SLC5A12: variants seen among roughly 807,000 people sequenced by gnomAD.
SLC5A12 encodes the protein sodium-coupled monocarboxylate transporter 2.
Under a neutral mutation model 72.7 loss-of-function variants are expected in SLC5A12, and 46 were observed. That is an observed-to-expected ratio of 0.63 (90% CI 0.50 to 0.81). The LOEUF is 0.81. Among genes scored for constraint, SLC5A12 ranks in the 30% least tolerant of loss-of-function variants. The pLI is 0.00. For missense variants in SLC5A12, 683 were observed against 740.7 expected (o/e 0.92, Z 0.90); for synonymous variants, 275 against 264.4 (o/e 1.04, Z -0.39).
chr11:26,686,414 C>T (rs1854534870), intron 10 of SLC5A12, 63 bp downstream of exon 10: 1 of 1,450,246 alleles, frequency 6.9e-7, no homozygotes, highest in Admixed American at 1.7e-5. Context: ...AGAAGCAAGA[C>T]ATTAAAAGAG....
chr11:26,703,903 A>C lies in SLC5A12; in HGVS notation c.570T>G (p.Val190=). ...CCGTTAAGAAGCCCACAATCATGAC[A>C]ACCATCTGAAATGCATCTGTCCACA... The part of the protein sequence containing the change: ...AVVWTDAFQM[V]VMIVGFLTVL... Residue 190 remains valine, a synonymous_variant, in exon 5 of 15, where the codon GTT becomes GTG. Transcript: ENST00000396005. 6.2e-7 allele frequency: 1 copy of C among 1,613,908 alleles called. No homozygotes were observed. Among genetic ancestry groups the C allele is most frequent in the Non-Finnish European group, 8.5e-7 (1 of 1,179,848 alleles).
rs1350926304 is a variant in SLC5A12 at position 26,668,296 on chromosome 11, G to A, written c.*2806C>T. 1 of 152,006 alleles carries A rather than the reference G, an allele frequency of 6.6e-6. No individual in the cohort carries two copies. Among genetic ancestry groups the A allele is most frequent in the Non-Finnish European group, 1.5e-5 (1 of 67,968 alleles). The allele number at this position is 152,006 out of a possible 1,614,324, so 9.4% of individuals were successfully genotyped here. On this transcript the variant is annotated 3_prime_UTR_variant, in exon 15 of 15. Coordinates refer to ENST00000396005, the MANE Select transcript of SLC5A12 (RefSeq NM_178498.4). Reference sequence around the variant, plus strand: ...TTCTGTTCCATTTTTACCAATATCTGTGGTTGTGCTTTAAAGGTACAGTGG... The same window carrying A: ...TTCTGTTCCATTTTTACCAATATCTATGGTTGTGCTTTAAAGGTACAGTGG...
intron 13 of SLC5A12, among the ~76,000 whole-genome samples, chr11:26,674,531 C>T (rs1468655918): frequency 6.6e-6 from 1 of 152,060 alleles, no homozygotes; most frequent in Non-Finnish European, 1.5e-5. Context: ...TCTGGAGTAG[C>T]TGGGACTACA....
intron 1 of SLC5A12, among the ~76,000 whole-genome samples, chr11:26,713,154 T>G (rs1480610819): frequency 6.6e-6 from 1 of 152,110 alleles, no homozygotes; most frequent in African/African-American, 2.4e-5. Flanking sequence ...CCCATATCAA[T>G]TCTTTGAAAG....
chr11:26,701,451 G>A (rs1405484282), intron 6 of SLC5A12, among the ~76,000 whole-genome samples: 2 of 152,104 alleles, frequency 1.3e-5, no homozygotes, highest in African/African-American at 4.8e-5. Context: ...TCATGAGTAT[G>A]CCTCCTTTTC....
At chr11:26,705,306 T>C (rs920557404) in intron 4 of SLC5A12, among the ~76,000 whole-genome samples, 1 of 151,986 alleles carries the variant, frequency 6.6e-6, no homozygotes, top group African/African-American at 2.4e-5. Flanking sequence ...TGATGATCTA[T>C]GTGGGATGAG....
Position 26,668,864 on chromosome 11 carries a change from A to C in SLC5A12, c.*2238T>G, listed in dbSNP as rs1854061040. 6.6e-6 allele frequency: 1 copy of C among 152,022 alleles called. No individual in the cohort carries two copies. The highest frequency in any genetic ancestry group is 2.1e-4 in the South Asian group (1 of 4,832). 9.4% of individuals were successfully genotyped at this position (152,022 alleles called of 1,614,324 possible). The stretch of plus-strand genomic sequence containing the variant: ...TGATAACACTCCAGGTAAGATAATT[A>C]GGGACTATAAAAGAAGAAACGTTTT... On this transcript the variant is annotated 3_prime_UTR_variant, in exon 15 of 15. Coordinates refer to ENST00000396005, the MANE Select transcript of SLC5A12 (RefSeq NM_178498.4).
intron 11 of SLC5A12, 72 bp from the exon 12 acceptor site, chr11:26,681,293 G>C: frequency 4.1e-3 from 3,725 of 908,964 alleles, no homozygotes; most frequent in Non-Finnish European, 5.4e-3. Flanking sequence ...GAGATGAGGA[G>C]TTCTATGCCT....
chr11:26,721,228 A>G, intron 1 of SLC5A12, 148 bp downstream of exon 1: 1 of 651,044 alleles, frequency 1.5e-6, no homozygotes, highest in Non-Finnish European at 2.6e-6. Context: ...GTCTGTCTCC[A>G]AAGCTTAGGC....
rs559392994 is a variant in SLC5A12, at chr11:26,689,171, G to A, written c.1154-2627C>T. ...AGCACTTAGGGAGGCCTAGGCAGGC[G>A]GATCAGCTGAGGTCAGGAGTTTGAG... On this transcript the variant is annotated intron_variant, in intron 9 of 14. Coordinates refer to ENST00000396005, the MANE Select transcript of SLC5A12 (RefSeq NM_178498.4). 8.7e-4 allele frequency among the ~76,000 whole-genome samples: 132 copies of A among 151,694 alleles called. 1 individual carries two copies. The South Asian group carries it at 0.011, about 13-fold the overall frequency.
intron 9 of SLC5A12, among the ~76,000 whole-genome samples, chr11:26,690,053 AC>A (rs1329855654): frequency 2.0e-5 from 3 of 152,182 alleles, no homozygotes; most frequent in African/African-American, 7.2e-5. Flanking sequence ...AATACAAAAT[AC>A]AACACAATTA....
intron 7 of SLC5A12, among the ~76,000 whole-genome samples, chr11:26,698,098 G>A (rs142051496): frequency 5.9e-5 from 9 of 151,688 alleles, no homozygotes; most frequent in South Asian, 2.1e-4. Flanking sequence ...ATATTTTGCC[G>A]TGTTGGCCAG....
intron 13 of SLC5A12, among the ~76,000 whole-genome samples, 170 bp from the exon 14 acceptor site, chr11:26,673,699 C>T (rs182822147): frequency 6.1e-4 from 93 of 152,164 alleles, no homozygotes; most frequent in Non-Finnish European, 1.1e-3. Flanking sequence ...GGTGGGAGTT[C>T]GTTTTTAAAC....
At chr11:26,677,745 T>C (rs1163598012) in intron 13 of SLC5A12, among the ~76,000 whole-genome samples, 2 of 152,180 alleles carry the variant, frequency 1.3e-5, no homozygotes, top group African/African-American at 4.8e-5. Flanking sequence ...CAATAGGGCA[T>C]TGGAGCTTCA....
intron 14 of SLC5A12, among the ~76,000 whole-genome samples, chr11:26,672,100 A>G (rs1854156975): frequency 6.6e-6 from 1 of 152,148 alleles, no homozygotes; most frequent in Admixed American, 6.6e-5. Flanking sequence ...CCCTGAATTG[A>G]AAGATCTACC....
chr11:26,692,378 C>A, intron 9 of SLC5A12, 111 bp downstream of exon 9: 1 of 716,692 alleles, frequency 1.4e-6, no homozygotes, highest in Non-Finnish European at 2.5e-6. Flanking sequence ...TCACATATCT[C>A]ACAGTGCATT....
intron 13 of SLC5A12, among the ~76,000 whole-genome samples, chr11:26,676,558 A>G (rs1031974712): frequency 6.6e-6 from 1 of 152,134 alleles, no homozygotes; most frequent in Non-Finnish European, 1.5e-5. Flanking sequence ...AGTAGCATCA[A>G]TCTCTATATA....
chr11:26,675,771 G>T (rs755217862), intron 13 of SLC5A12, among the ~76,000 whole-genome samples: 1 of 152,070 alleles, frequency 6.6e-6, no homozygotes, highest in Non-Finnish European at 1.5e-5. Flanking sequence ...TCCCTCTACT[G>T]GGCACAAGCC....
chr11:26,680,940 G>A, intron 12 of SLC5A12, 115 bp downstream of exon 12: 1 of 962,444 alleles, frequency 1.0e-6, no homozygotes, highest in Non-Finnish European at 1.4e-6. Context: ...TTCCCTGAGT[G>A]AGTCTCATAA....
Sources: gnomAD v4.1 joint callset for allele counts (sites outside exome capture counted in the v4.1 genomes callset) on GRCh38, gnomAD v4.1.1 for gene constraint, MANE v1.5 for transcripts, NCBI Gene and HGNC (gene_info 2026-07-23, HGNC 2026-07-21) for gene names.